ZNF248: variants seen among roughly 807,000 people sequenced by gnomAD.
The protein encoded by ZNF248 is KRAB protein domain.
ZNF248 carries 20 observed loss-of-function variants against 44.3 expected under a neutral mutation model. That is an observed-to-expected ratio of 0.45 (90% CI 0.32 to 0.66). ZNF248 has a LOEUF of 0.66. Among genes scored for constraint, ZNF248 ranks in the 30% least tolerant of loss-of-function variants. ZNF248 has a pLI of 0.04. For synonymous variants in ZNF248, 224 were observed against 229.0 expected (o/e 0.98, Z 0.20); for missense variants, 654 against 677.0 (o/e 0.97, Z 0.38).
intron 6 of ZNF248, among the ~76,000 whole-genome samples, chr10:37,791,216 G>C (rs1404422734): frequency 6.6e-6 from 1 of 151,336 alleles, no homozygotes; most frequent in African/African-American, 2.4e-5. Context: ...TAATTTTTTT[G>C]TATTTTTAGT....
chr10:37,778,675 AGTC>A (rs1490648342), intron 6 of ZNF248, among the ~76,000 whole-genome samples: 6 of 152,220 alleles, frequency 3.9e-5, no homozygotes, highest in Non-Finnish European at 8.8e-5. Context: ...CTAACGTTTA[AGTC>A]TTTAATCCAT....
chr10:37,778,879 C>A (rs563283661), intron 6 of ZNF248, among the ~76,000 whole-genome samples: 219 of 152,180 alleles, frequency 1.4e-3, no homozygotes, highest in Admixed American at 3.9e-3. Context: ...GAGAATACTA[C>A]AAACACCTCT....
At chr10:37,828,221 C>G (rs1169225802), downstream of ZNF248, among the ~76,000 whole-genome samples, 4 of 152,212 alleles carry the variant, frequency 2.6e-5, no homozygotes, top group African/African-American at 9.6e-5. Context: ...ACACACTCTT[C>G]TTCGAGATCT....
chr10:37,844,190 T>C (rs1031092347), intron 3 of ZNF248, among the ~76,000 whole-genome samples: 2 of 152,174 alleles, frequency 1.3e-5, no homozygotes, highest in African/African-American at 4.8e-5. Context: ...GGCAGTGGGA[T>C]GGCATCTTTA....
chr10:37,853,973 T>TA (rs1488657840), intron 3 of ZNF248, among the ~76,000 whole-genome samples: 1 of 152,172 alleles, frequency 6.6e-6, no homozygotes, highest in Non-Finnish European at 1.5e-5. Flanking sequence ...GTCGTAATAC[T>TA]AAAGATACCT....
At chr10:37,833,741 G>C (rs1423628794) in intron 5 of ZNF248, among the ~76,000 whole-genome samples, 1 of 151,906 alleles carries the variant, frequency 6.6e-6, no homozygotes, top group African/African-American at 2.4e-5. Flanking sequence ...AGAAGAAATA[G>C]TTTTTTTTAA....
At position 37,812,319 on chromosome 10, in the gene ZNF248, A is replaced by G. The variant is rs1406429501; in HGVS notation, c.330+20706T>C. Reference sequence around the variant, plus strand: ...TAATGTAGACAAAAGTGTCTTTGGGAAAAAAAAAAGTGCCACAAAGGACAT... The same window carrying G: ...TAATGTAGACAAAAGTGTCTTTGGGGAAAAAAAAAGTGCCACAAAGGACAT... On this transcript the variant is annotated intron_variant, in intron 6 of 6. Transcript: ENST00000615949. Among the ~76,000 whole-genome samples, 6 of 146,666 alleles carry G rather than the reference A, an allele frequency of 4.1e-5. No homozygotes were observed. The South Asian group carries it at 6.3e-4, about 15-fold the overall frequency.
chr10:37,814,229 A>G (rs190981993), intron 6 of ZNF248, among the ~76,000 whole-genome samples: 23 of 152,210 alleles, frequency 1.5e-4, no homozygotes, highest in Admixed American at 7.2e-4. Flanking sequence ...TAACACTATA[A>G]ATTAAATTTA....
intron 6 of ZNF248, chr10:37,820,604 C>T (rs1008604951): frequency 1.3e-6 from 2 of 1,583,416 alleles, no homozygotes; most frequent in Admixed American, 1.7e-5. Flanking sequence ...AATTTTACGT[C>T]CCCCAGCAGT....
chr10:37,832,408 T>G lies in ZNF248; in HGVS notation c.947A>C (p.Gln316Pro), dbSNP rs1286995845. 64 of 1,613,918 alleles carry G rather than the reference T, an allele frequency of 4.0e-5. No individual in the cohort carries two copies. The highest frequency in any genetic ancestry group is 5.3e-5 in the Non-Finnish European group (63 of 1,179,952). Residue 316 changes from glutamine to proline, a missense_variant, in exon 6 of 6, where the codon CAG becomes CCG. Transcript: ENST00000395867. ...GAGAATCTTTCTTGTGTAAGCTCCC[T>G]GATGGATAATGAAAGCTGAATTGTC... ...FCDNSAFIIHQGAYTRKILRE... is the reference protein window; with the variant it reads ...FCDNSAFIIHPGAYTRKILRE...
At chr10:37,847,452 G>A (rs979512698) in intron 3 of ZNF248, among the ~76,000 whole-genome samples, 1 of 152,136 alleles carries the variant, frequency 6.6e-6, no homozygotes, top group Non-Finnish European at 1.5e-5. Context: ...CATTTTCTTA[G>A]CATGATAATT....
the ZNF248 span, among the ~76,000 whole-genome samples, chr10:37,770,304 C>G: frequency 6.6e-6 from 1 of 152,174 alleles, no homozygotes; most frequent in Non-Finnish European, 1.5e-5. Context: ...AAAAAAGAGC[C>G]CGCATCGCCA....
At chr10:37,825,888 T>G, downstream of ZNF248, among the ~76,000 whole-genome samples, 1 of 146,880 alleles carries the variant, frequency 6.8e-6, no homozygotes. Flanking sequence ...TTGCCCTGTG[T>G]CTGCAGGTGA....
At chr10:37,836,346 T>C (rs114394580) in intron 5 of ZNF248, among the ~76,000 whole-genome samples, 1 of 152,294 alleles carries the variant, frequency 6.6e-6, no homozygotes, top group African/African-American at 2.4e-5. Flanking sequence ...TCAAAACAGT[T>C]TCTCATAGCA....
chr10:37,832,862 G>A lies in ZNF248; in HGVS notation c.493C>T (p.Pro165Ser). Residue 165 changes from proline to serine, a missense_variant, in exon 6 of 6, where the codon CCT (proline) becomes TCT (serine). Coordinates refer to ENST00000395867, the MANE Select transcript of ZNF248 (RefSeq NM_021045.3). ...TTCTCACATACATTAAACTCATCAGGCTTCTTTCTGGAACAGTTCTTTTTA... is the reference window on the plus strand; with the variant it reads ...TTCTCACATACATTAAACTCATCAGACTTCTTTCTGGAACAGTTCTTTTTA... ...ISKKNCSRKK[P>S]DEFNVCEKLL... 6.2e-7 allele frequency: 1 copy of A among 1,613,722 alleles called. No individual in the cohort carries two copies. The highest frequency in any genetic ancestry group is 8.5e-7 in the Non-Finnish European group (1 of 1,179,814).
chr10:37,824,141 G>A (rs1289991991), downstream of ZNF248, among the ~76,000 whole-genome samples: 3 of 152,126 alleles, frequency 2.0e-5, no homozygotes, highest in Non-Finnish European at 4.4e-5. Context: ...GTTATTCCAG[G>A]CTGAAGGCTC....
At position 37,832,450 on chromosome 10, in the gene ZNF248, T is replaced by C; in HGVS notation, c.905A>G (p.Tyr302Cys). The stretch of plus-strand genomic sequence containing the variant: ...TGAATTGTCACAGAAGATTTCCCCA[T>C]ATTCATTATATTCATAAGGATTGTC... ...TKDNPYEYNE[Y>C]GEIFCDNSAF... The change falls in exon 6 of 6, where the codon TAT (tyrosine) becomes TGT (cysteine). Residue 302 changes from tyrosine (Y) to cysteine (C), a missense_variant. Transcript: ENST00000395867. 1.2e-6 allele frequency: 2 copies of C among 1,614,016 alleles called. No individual in the cohort carries two copies. The highest frequency in any genetic ancestry group is 1.7e-6 in the Non-Finnish European group (2 of 1,179,948).
chr10:37,780,427 G>A (rs903119707), intron 6 of ZNF248, among the ~76,000 whole-genome samples: 2 of 150,382 alleles, frequency 1.3e-5, no homozygotes, highest in African/African-American at 2.4e-5. Context: ...AGGATTCCCT[G>A]TTTAATAAAT....
chr10:37,829,281 TG>T lies in ZNF248; in HGVS notation c.*2333del. Reference sequence around the variant, plus strand: ...TGCCCTTCAAGGCTCAGAATGGCAATGGCTTCCTGCTGATACAAGTCTCTGG... The same window carrying T: ...TGCCCTTCAAGGCTCAGAATGGCAATGCTTCCTGCTGATACAAGTCTCTGG... On this transcript the variant is annotated 3_prime_UTR_variant, in exon 6 of 6. Coordinates refer to ENST00000395867, the MANE Select transcript of ZNF248 (RefSeq NM_021045.3). The T allele has an allele frequency of 1.0e-6, 1 of 985,412 alleles. No individual in the cohort carries two copies. The highest frequency in any genetic ancestry group is 1.2e-6 in the Non-Finnish European group (1 of 829,918). The allele number at this position is 985,412 out of a possible 1,614,324, so 61.0% of individuals were successfully genotyped here.
Sources: allele counts gnomAD v4.1 joint callset (sites outside exome capture counted in the v4.1 genomes callset), GRCh38; gene constraint gnomAD v4.1.1; transcripts MANE v1.5; gene names NCBI Gene and HGNC (gene_info 2026-07-23, HGNC 2026-07-21).